The following GRHL2 variants were observed in gnomAD, a reference collection of about 807,000 sequenced individuals.
GRHL2 encodes the protein grainyhead-like protein 2 homolog.
In GRHL2, 21 loss-of-function variants were observed where a neutral mutation model predicts 83.8. The ratio of observed to expected loss-of-function variants is 0.25; its 90% CI spans 0.18 to 0.36. GRHL2 has a LOEUF of 0.36. GRHL2 is among the 10% of genes least tolerant of loss of function. The pLI, the probability that GRHL2 is intolerant of heterozygous loss-of-function variation, is 1.00. For missense variants in GRHL2, 623 were observed against 781.8 expected, an observed-to-expected ratio of 0.80 and a Z score of 2.42; for synonymous variants, 280 against 278.9, an observed-to-expected ratio of 1.00 and a Z score of -0.04.
chr8:101,618,299 T>A (rs761214139), intron 8 of GRHL2, among the ~76,000 whole-genome samples: 49 of 152,330 alleles, frequency 3.2e-4, no homozygotes, highest in Non-Finnish European at 4.6e-4. Flanking sequence ...TTATTTTTAG[T>A]TCTTTTGTTG....
Position 101,570,248 on chromosome 8 carries a change from G to A in GRHL2, c.679-91G>A. 4 of 1,041,506 alleles carry A rather than the reference G, an allele frequency of 3.8e-6. No homozygotes were observed. The Admixed American group carries it at 6.8e-5, about 18-fold the overall frequency. 64.5% of individuals were successfully genotyped at this position (1,041,506 alleles called of 1,614,324 possible). On this transcript the variant is annotated intron_variant, in intron 4 of 15. Transcript: ENST00000646743. ...AATACATAACTTTATTTTCTAATGA[G>A]AGAATAAAATAGTTTGGATACATTT...
chr8:101,633,841 G>A (rs2130404182), intron 11 of GRHL2, among the ~76,000 whole-genome samples: 1 of 152,254 alleles, frequency 6.6e-6, no homozygotes, highest in South Asian at 2.1e-4. Flanking sequence ...GGATAGTTGA[G>A]TTAAATTGTT....
At chr8:101,631,792 G>A (rs1813190806) in intron 10 of GRHL2, 68 bp downstream of exon 10, 5 of 1,298,866 alleles carry the variant, frequency 3.8e-6, no homozygotes, top group African/African-American at 1.5e-5. Flanking sequence ...TGGGGGAACA[G>A]GTGGAAGAAG....
chr8:101,535,872 T>C (rs1811036278), intron 1 of GRHL2, among the ~76,000 whole-genome samples: 1 of 152,206 alleles, frequency 6.6e-6, no homozygotes, highest in Admixed American at 6.5e-5. Flanking sequence ...TAGTCAGTCA[T>C]CTTTGCATGA....
intron 1 of GRHL2, among the ~76,000 whole-genome samples, chr8:101,540,741 C>T (rs924501205): frequency 6.6e-6 from 1 of 152,176 alleles, no homozygotes; most frequent in African/African-American, 2.4e-5. Flanking sequence ...AACCATCTAC[C>T]ATTAGGAGAT....
At chr8:101,547,893 C>T (rs896848591) in intron 2 of GRHL2, among the ~76,000 whole-genome samples, 1 of 152,212 alleles carries the variant, frequency 6.6e-6, no homozygotes, top group African/African-American at 2.4e-5. Flanking sequence ...AATAGCTCCA[C>T]AGTTGTGCGA....
At chr8:101,569,032 G>A (rs1280463131) in intron 4 of GRHL2, among the ~76,000 whole-genome samples, 1 of 152,158 alleles carries the variant, frequency 6.6e-6, no homozygotes. Flanking sequence ...CCCTTGAAAT[G>A]CTGGTCAAAG....
At chr8:101,554,980 G>A (rs1811461446) in intron 3 of GRHL2, among the ~76,000 whole-genome samples, 1 of 151,972 alleles carries the variant, frequency 6.6e-6, no homozygotes, top group Non-Finnish European at 1.5e-5. Flanking sequence ...ATTTTCTGGT[G>A]GTATGATAAC....
At position 101,617,203 on chromosome 8, in the gene GRHL2, G is replaced by A. The variant is rs1190715852; in HGVS notation, c.1099-2336G>A. 3.3e-5 allele frequency among the ~76,000 whole-genome samples: 5 copies of A among 151,916 alleles called. 1 individual carries two copies. Among genetic ancestry groups the A allele is most frequent in the South Asian group, 2.1e-4 (1 of 4,804 alleles). ...CTAGATGTGTTGGCATAATTAGATCGTTGTTGGGCACTTGTTTTCAGGCAG... is the reference window on the plus strand; with the variant it reads ...CTAGATGTGTTGGCATAATTAGATCATTGTTGGGCACTTGTTTTCAGGCAG... On this transcript the variant is annotated intron_variant, in intron 8 of 15. Coordinates refer to ENST00000646743, the MANE Select transcript of GRHL2 (RefSeq NM_024915.4).
At chr8:101,545,870 ATTTTTTTTTTTTTTTTTTT>A (rs1174568425) in intron 2 of GRHL2, among the ~76,000 whole-genome samples, 1 of 83,634 alleles carries the variant, frequency 1.2e-5, no homozygotes, top group African/African-American at 4.8e-5. Flanking sequence ...TCTTTGTAAC[ATTTTTTTTTTTTTTTTTTT>A]TTTTTTTTTT....
At chr8:101,632,659 T>C (rs1417381747) in intron 11 of GRHL2, among the ~76,000 whole-genome samples, 1 of 152,226 alleles carries the variant, frequency 6.6e-6, no homozygotes, top group Non-Finnish European at 1.5e-5. Flanking sequence ...CTGTCAACTT[T>C]GTCATGGCCA....
chr8:101,496,924 CA>C (rs1453262272), intron 1 of GRHL2, among the ~76,000 whole-genome samples: 1 of 152,114 alleles, frequency 6.6e-6, no homozygotes, highest in African/African-American at 2.4e-5. Flanking sequence ...ATAACGGCAC[CA>C]TCAAATAAAT....
chr8:101,506,248 C>A (rs1810338453), intron 1 of GRHL2, among the ~76,000 whole-genome samples: 1 of 152,124 alleles, frequency 6.6e-6, no homozygotes, highest in Admixed American at 6.5e-5. Flanking sequence ...TTTAAAGAAG[C>A]ATTTCCTGGG....
At chr8:101,640,263 G>A (rs192148845) in intron 12 of GRHL2, among the ~76,000 whole-genome samples, 41 of 152,170 alleles carry the variant, frequency 2.7e-4, no homozygotes, top group Middle Eastern at 3.4e-3. Context: ...ACCTGCTAGC[G>A]TTATTATAAG....
chr8:101,554,442 A>C (rs1219143291), intron 3 of GRHL2, among the ~76,000 whole-genome samples: 2 of 152,182 alleles, frequency 1.3e-5, no homozygotes, highest in Non-Finnish European at 2.9e-5. Context: ...CAGACAAGTG[A>C]GTATCTCTTA....
At chr8:101,602,985 T>C (rs766599685) in intron 8 of GRHL2, among the ~76,000 whole-genome samples, 5 of 152,242 alleles carry the variant, frequency 3.3e-5, no homozygotes, top group Non-Finnish European at 5.9e-5. Flanking sequence ...GGCCAGACAC[T>C]GATTTGTGTC....
At chr8:101,580,509 C>A (rs1812028221) in intron 7 of GRHL2, among the ~76,000 whole-genome samples, 1 of 140,842 alleles carries the variant, frequency 7.1e-6, no homozygotes, top group South Asian at 2.6e-4. Flanking sequence ...CCTGCCTCGG[C>A]CTCCCAAAGT....
At position 101,552,751 on chromosome 8, in the gene GRHL2, G is replaced by A; in HGVS notation, c.253G>A (p.Ala85Thr). 6.2e-7 allele frequency: 1 copy of A among 1,614,130 alleles called. No individual in the cohort carries two copies. The highest frequency in any genetic ancestry group is 8.5e-7 in the Non-Finnish European group (1 of 1,179,998). ...CAAGAGGCTGCTGTCTGTAAGCAAAGCAAGTGACAGCCAAGAAGACCAGGA... is the reference window on the plus strand; with the variant it reads ...CAAGAGGCTGCTGTCTGTAAGCAAAACAAGTGACAGCCAAGAAGACCAGGA... ...RDKRLLSVSKASDSQEDQEKR... is the reference protein window; with the variant it reads ...RDKRLLSVSKTSDSQEDQEKR... Residue 85 changes from alanine to threonine, a missense_variant, in exon 3 of 16, where the codon GCA becomes ACA. By Grantham distance (58) the Ala-to-Thr change is moderately conservative (BLOSUM62 0). Coordinates refer to ENST00000646743, the MANE Select transcript of GRHL2 (RefSeq NM_024915.4).
At chr8:101,673,032 C>G (rs1814234361), downstream of GRHL2, among the ~76,000 whole-genome samples, 1 of 149,920 alleles carries the variant, frequency 6.7e-6, no homozygotes. Context: ...CAGGCCTGCC[C>G]TAAAAGAGCT....
Sources: gnomAD v4.1 joint callset for allele counts (sites outside exome capture counted in the v4.1 genomes callset) on GRCh38, gnomAD v4.1.1 for gene constraint, MANE v1.5 for transcripts, NCBI Gene and HGNC (gene_info 2026-07-23, HGNC 2026-07-21) for gene names.